Variants in DOK5 observed in about 807,000 individuals in gnomAD.
DOK5 encodes downstream of tyrosine kinase 5.
In DOK5, 27 loss-of-function variants were observed where a neutral mutation model predicts 43.3. That is an observed-to-expected ratio of 0.62 (90% CI 0.46 to 0.86). The LOEUF is 0.86. Ranked by LOEUF, DOK5 falls within the 40% of genes least tolerant of loss-of-function variation. DOK5 has a pLI of 0.00. For missense variants in DOK5, 373 were observed against 392.9 expected (o/e 0.95, Z 0.43); for synonymous variants, 146 against 140.1 (o/e 1.04, Z -0.30).
intron 1 of DOK5, among the ~76,000 whole-genome samples, chr20:54,486,983 T>C (rs1249246496): frequency 6.6e-6 from 1 of 152,228 alleles, no homozygotes; most frequent in Non-Finnish European, 1.5e-5. Flanking sequence ...ATCTTCCTCT[T>C]GCTGTTGTCT....
intron 1 of DOK5, among the ~76,000 whole-genome samples, chr20:54,551,616 C>T (rs151185464): frequency 6.6e-6 from 1 of 152,126 alleles, no homozygotes; most frequent in Admixed American, 6.6e-5. Context: ...TTTCCACCCC[C>T]CTCCATGGAT....
chr20:54,501,492 AG>A (rs375845660), intron 1 of DOK5, among the ~76,000 whole-genome samples: 3,262 of 138,310 alleles, frequency 0.024, 354 homozygotes, highest in African/African-American at 0.099. Flanking sequence ...AAAAAAAAAA[AG>A]AAGAAAAGGA....
chr20:54,633,276 A>T (rs985562638), intron 6 of DOK5, among the ~76,000 whole-genome samples: 6 of 152,170 alleles, frequency 3.9e-5, no homozygotes, highest in Non-Finnish European at 5.9e-5. Flanking sequence ...TCACAAGAGA[A>T]TAAGTAGGCA....
intron 6 of DOK5, among the ~76,000 whole-genome samples, chr20:54,623,523 G>C (rs942214958): frequency 2.0e-5 from 3 of 152,146 alleles, no homozygotes; most frequent in African/African-American, 7.2e-5. Flanking sequence ...GCAACGAGAC[G>C]AGGCATAGTA....
intron 1 of DOK5, among the ~76,000 whole-genome samples, chr20:54,547,677 G>A (rs1213481601): frequency 6.6e-6 from 1 of 152,160 alleles, no homozygotes; most frequent in African/African-American, 2.4e-5. Flanking sequence ...ATGGATTGGT[G>A]ACAATTTAAG....
At chr20:54,597,352 G>A (rs886575751) in intron 5 of DOK5, among the ~76,000 whole-genome samples, 1 of 152,148 alleles carries the variant, frequency 6.6e-6, no homozygotes, top group African/African-American at 2.4e-5. Flanking sequence ...GGCCAGAGAT[G>A]CTGCTACAGG....
intron 5 of DOK5, among the ~76,000 whole-genome samples, chr20:54,600,249 T>C (rs1986264402): frequency 6.6e-6 from 1 of 152,060 alleles, no homozygotes; most frequent in African/African-American, 2.4e-5. Flanking sequence ...CATGTGGAGC[T>C]TGAAGGTGGT....
chr20:54,552,125 G>A (rs890984332), intron 1 of DOK5, among the ~76,000 whole-genome samples: 1 of 152,218 alleles, frequency 6.6e-6, no homozygotes, highest in Non-Finnish European at 1.5e-5. Flanking sequence ...ACCTTGCCCA[G>A]CCATACAGTA....
intron 2 of DOK5, among the ~76,000 whole-genome samples, chr20:54,579,688 T>C (rs908535361): frequency 1.3e-5 from 2 of 152,182 alleles, no homozygotes; most frequent in African/African-American, 4.8e-5. Flanking sequence ...TCACATAGCA[T>C]AATGTTTTCA....
At chr20:54,644,987 T>TA (rs1435652564) in intron 7 of DOK5, among the ~76,000 whole-genome samples, 3 of 145,316 alleles carry the variant, frequency 2.1e-5, no homozygotes, top group African/African-American at 7.6e-5. Flanking sequence ...GGGATACTTG[T>TA]AAAAAAACTC....
intron 2 of DOK5, among the ~76,000 whole-genome samples, chr20:54,573,465 A>G (rs1476880238): frequency 6.6e-6 from 1 of 152,174 alleles, no homozygotes; most frequent in East Asian, 1.9e-4. Flanking sequence ...AGGCAGGCAG[A>G]TCATGAGGTC....
At chr20:54,533,704 T>G (rs1362251605) in intron 1 of DOK5, among the ~76,000 whole-genome samples, 5 of 152,222 alleles carry the variant, frequency 3.3e-5, no homozygotes, top group Non-Finnish European at 7.3e-5. Flanking sequence ...ACTTTAATTC[T>G]ATCTCAAGCT....
At chr20:54,606,568 C>A (rs529208197) in intron 5 of DOK5, among the ~76,000 whole-genome samples, 1 of 152,308 alleles carries the variant, frequency 6.6e-6, no homozygotes, top group African/African-American at 2.4e-5. Flanking sequence ...ATGTGCCTTT[C>A]TTTTCACTTC....
intron 1 of DOK5, among the ~76,000 whole-genome samples, chr20:54,531,747 T>C (rs372573862): frequency 6.6e-6 from 1 of 152,218 alleles, no homozygotes; most frequent in Admixed American, 6.5e-5. Context: ...GCTCTACTGA[T>C]GTTATGTATT....
intron 5 of DOK5, among the ~76,000 whole-genome samples, chr20:54,598,371 C>T (rs138550961): frequency 5.9e-5 from 9 of 152,258 alleles, no homozygotes; most frequent in East Asian, 1.9e-4. Flanking sequence ...TGAAACCTCA[C>T]GGCACATCAG....
In DOK5 at chr20:54,586,611, G is replaced by T. The variant is rs573667491; in HGVS notation, c.175-1872G>T. Among the ~76,000 whole-genome samples the T allele has an allele frequency of 3.2e-4, 49 of 152,278 alleles. 1 individual carries two copies. Among genetic ancestry groups the T allele is most frequent in the African/African-American group, 1.1e-3 (47 of 41,562 alleles). ...AACTCTCACTTTTCAGGCAAGATGG[G>T]TGTGAAACCAATAACAAATAGGAAA... On this transcript the variant is annotated intron_variant, in intron 2 of 7. Transcript: ENST00000262593.
chr20:54,641,616 C>G (rs1979122566), intron 6 of DOK5, among the ~76,000 whole-genome samples: 1 of 151,682 alleles, frequency 6.6e-6, no homozygotes, highest in Admixed American at 6.6e-5. Flanking sequence ...CTATTTGTTA[C>G]TAGGTAAGTC....
At chr20:54,531,769 G>A (rs754180052) in intron 1 of DOK5, among the ~76,000 whole-genome samples, 22 of 152,208 alleles carry the variant, frequency 1.4e-4, no homozygotes, top group African/African-American at 4.8e-4. Flanking sequence ...TTTAAGTTGG[G>A]GATTCATTTA....
intron 1 of DOK5, among the ~76,000 whole-genome samples, chr20:54,505,917 C>G (rs7343763): frequency 0.033 from 4,997 of 152,280 alleles, 274 homozygotes; most frequent in African/African-American, 0.11. Flanking sequence ...TTTCAGTGAG[C>G]TGGGACTTCC....
Sources: gnomAD v4.1 joint callset for allele counts (sites outside exome capture counted in the v4.1 genomes callset) on GRCh38, gnomAD v4.1.1 for gene constraint, MANE v1.5 for transcripts, NCBI Gene and HGNC (gene_info 2026-07-23, HGNC 2026-07-21) for gene names.